Variants in RAB33B observed in about 807,000 individuals in gnomAD.
The protein encoded by RAB33B is RAB33B, member RAS oncogene family.
In RAB33B, 6 loss-of-function variants were observed where a neutral mutation model predicts 15.0. The observed-to-expected ratio is 0.40, with a 90% CI of 0.22 to 0.79. The LOEUF (loss-of-function observed/expected upper bound fraction) is 0.79. Ranked by LOEUF, RAB33B falls within the 30% of genes least tolerant of loss-of-function variation. RAB33B has a pLI of 0.37. For synonymous variants in RAB33B, 117 were observed against 108.3 expected (o/e 1.08, Z -0.50); for missense variants, 257 against 296.4 (o/e 0.87, Z 0.98).
At chr4:139,471,711 T>C (rs1052068298) in intron 1 of RAB33B, among the ~76,000 whole-genome samples, 6 of 152,144 alleles carry the variant, frequency 3.9e-5, no homozygotes, top group African/African-American at 1.2e-4. Flanking sequence ...AGTGCTGAGC[T>C]ACCGCATCTG....
chr4:139,441,011 G>T, the RAB33B span, among the ~76,000 whole-genome samples: 3 of 152,092 alleles, frequency 2.0e-5, no homozygotes, highest in Non-Finnish European at 4.4e-5. Flanking sequence ...AATTCTTCTG[G>T]TCTCTGTTGG....
the RAB33B span, among the ~76,000 whole-genome samples, chr4:139,439,456 C>T: frequency 2.0e-5 from 3 of 152,174 alleles, no homozygotes; most frequent in Admixed American, 2.0e-4. Flanking sequence ...TCTTTTGCTG[C>T]TTTCAAAATT....
the RAB33B span, among the ~76,000 whole-genome samples, chr4:139,446,116 G>C: frequency 6.6e-6 from 1 of 152,242 alleles, no homozygotes; most frequent in East Asian, 1.9e-4. Flanking sequence ...GGCTCGAGCA[G>C]GTCCTGAAGG....
At chr4:139,470,923 C>T (rs927990368) in intron 1 of RAB33B, among the ~76,000 whole-genome samples, 1 of 152,062 alleles carries the variant, frequency 6.6e-6, no homozygotes, top group Non-Finnish European at 1.5e-5. Context: ...AGAGCATCCT[C>T]CCCACTCTTC....
chr4:139,448,927 TGTGTGA>T (rs1477635485), upstream of RAB33B: 3 of 148,574 alleles, frequency 2.0e-5, no homozygotes, highest in Non-Finnish European at 4.6e-5. Context: ...GTTGTGAGTG[TGTGTGA>T]GTGTGACTGT....
intron 1 of RAB33B, among the ~76,000 whole-genome samples, chr4:139,469,097 CCTT>C (rs1393303329): frequency 6.6e-6 from 1 of 152,092 alleles, no homozygotes; most frequent in South Asian, 2.1e-4. Context: ...AATATTGATA[CCTT>C]CTTCTAGGTT....
At chr4:139,462,972 C>A (rs1379279922) in intron 1 of RAB33B, among the ~76,000 whole-genome samples, 1 of 152,074 alleles carries the variant, frequency 6.6e-6, no homozygotes, top group African/African-American at 2.4e-5. Context: ...TCGAGACCAG[C>A]CTGGGTAACA....
upstream of RAB33B, chr4:139,450,606 T>C (rs1715485990): frequency 6.6e-6 from 1 of 152,196 alleles, no homozygotes; most frequent in Non-Finnish European, 1.5e-5. Flanking sequence ...GCTGATAAAA[T>C]AAACATCCTA....
the RAB33B span, among the ~76,000 whole-genome samples, chr4:139,438,446 G>A: frequency 1.3e-5 from 2 of 151,978 alleles, no homozygotes; most frequent in Non-Finnish European, 2.9e-5. Context: ...GACTTCCCCC[G>A]CCCCTTCCAT....
chr4:139,469,793 C>T (rs1750356137), intron 1 of RAB33B, among the ~76,000 whole-genome samples: 1 of 152,196 alleles, frequency 6.6e-6, no homozygotes, highest in Non-Finnish European at 1.5e-5. Flanking sequence ...GGAGAATTCT[C>T]TGTACTACCA....
intron 1 of RAB33B, among the ~76,000 whole-genome samples, chr4:139,456,836 GC>G (rs1314170755): frequency 6.6e-6 from 1 of 152,076 alleles, no homozygotes; most frequent in Non-Finnish European, 1.5e-5. Flanking sequence ...TTTTTTTAGT[GC>G]CCTTTTTTTC....
upstream of RAB33B, chr4:139,448,311 C>G (rs1310307271): frequency 6.6e-6 from 1 of 152,250 alleles, no homozygotes. Context: ...GCTAGTCATC[C>G]ATACCAGCTA....
intron 1 of RAB33B, among the ~76,000 whole-genome samples, chr4:139,466,857 G>A (rs1219297985): frequency 6.6e-6 from 1 of 151,948 alleles, no homozygotes; most frequent in African/African-American, 2.4e-5. Flanking sequence ...TGGGATTACA[G>A]GCGTGAGCCA....
chr4:139,442,985 C>T, the RAB33B span, among the ~76,000 whole-genome samples: 2 of 150,828 alleles, frequency 1.3e-5, no homozygotes, highest in Non-Finnish European at 3.0e-5. Flanking sequence ...CACTGATAGT[C>T]GCTGGCATGA....
At chr4:139,460,352 C>T (rs141690045) in intron 1 of RAB33B, among the ~76,000 whole-genome samples, 2 of 152,192 alleles carry the variant, frequency 1.3e-5, no homozygotes, top group African/African-American at 2.4e-5. Context: ...TTTGGAAGCA[C>T]GGATAGAACA....
chr4:139,448,029 A>G, the RAB33B span, among the ~76,000 whole-genome samples: 1 of 152,176 alleles, frequency 6.6e-6, no homozygotes, highest in African/African-American at 2.4e-5. Flanking sequence ...GGGGTGATTG[A>G]CCTGGACCAT....
chr4:139,472,853 T>A lies in RAB33B; in HGVS notation c.417T>A (p.Asn139Lys). The change falls in exon 2 of 2, where the codon AAT (asparagine) becomes AAA (lysine). Residue 139 changes from asparagine to lysine, a missense_variant. Asn to Lys is a moderately conservative substitution (Grantham distance 94, BLOSUM62 0). Transcript: ENST00000305626. ...AATGCAAACAACATTTGCTAGCCAA[T>A]GATATACCACGGATTCTTGTTGGAA... ...IEECKQHLLA[N>K]DIPRILVGNK... The A allele has an allele frequency of 6.2e-7, 1 of 1,614,100 alleles. No individual in the cohort carries two copies. Among genetic ancestry groups the A allele is most frequent in the South Asian group, 1.1e-5 (1 of 91,088 alleles).
Position 139,460,078 on chromosome 4 carries a change from A to T in RAB33B, c.249+5634A>T, listed in dbSNP as rs138813751. ...GGGTGATAGAAGAGGTATTTTGAAG[A>T]TAAAGCCAAAGTCTTCAGTAACTGG... is the stretch of plus-strand genomic sequence containing the variant. On this transcript the variant is annotated intron_variant, in intron 1 of 1. Coordinates refer to ENST00000305626, the MANE Select transcript of RAB33B (RefSeq NM_031296.3). Among the ~76,000 whole-genome samples, 7 of 152,328 alleles carry T rather than the reference A, an allele frequency of 4.6e-5. No homozygotes were observed. In the East Asian group the frequency reaches 1.3e-3, roughly 29 times the overall value.
chr4:139,448,721 A>G (rs905713284), upstream of RAB33B: 2 of 150,152 alleles, frequency 1.3e-5, no homozygotes, highest in Non-Finnish European at 3.0e-5. Context: ...CCCGACCATA[A>G]TATTATTTTT....
Sources: gnomAD v4.1 joint callset for allele counts (sites outside exome capture counted in the v4.1 genomes callset) on GRCh38, gnomAD v4.1.1 for gene constraint, MANE v1.5 for transcripts, NCBI Gene and HGNC (gene_info 2026-07-23, HGNC 2026-07-21) for gene names.